The following NSRP1 variants were observed in gnomAD, a reference collection of about 807,000 sequenced individuals.
The protein encoded by NSRP1 is nuclear speckle splicing regulatory protein 1.
A neutral mutation model predicts 54.7 loss-of-function variants in NSRP1; 24 were observed. The observed-to-expected ratio is 0.44, with a 90% CI of 0.32 to 0.62. The LOEUF (loss-of-function observed/expected upper bound fraction) is 0.62, where lower values mean the gene tolerates loss of function less well. Among genes scored for constraint, NSRP1 ranks in the 20% least tolerant of loss-of-function variants. NSRP1 has a pLI of 0.06. For missense variants in NSRP1, 596 were observed against 651.2 expected (o/e 0.92, Z 0.92); for synonymous variants, 210 against 213.8 (o/e 0.98, Z 0.15).
chr17:30,145,063 A>G (rs777486834), intron 2 of NSRP1, among the ~76,000 whole-genome samples: 2 of 152,210 alleles, frequency 1.3e-5, no homozygotes, highest in Non-Finnish European at 2.9e-5. Flanking sequence ...GTGTTACAGT[A>G]TGTATACCTA....
chr17:30,172,014 T>TCCCTCTCACA (rs144705088), intron 2 of NSRP1, among the ~76,000 whole-genome samples: 1 of 131,056 alleles, frequency 7.6e-6, no homozygotes, highest in Non-Finnish European at 1.6e-5. Context: ...TCTCTCTCTC[T>TCCCTCTCACA]CACATGTTCA....
At chr17:30,177,293 G>A (rs1905158096) in intron 3 of NSRP1, among the ~76,000 whole-genome samples, 1 of 151,842 alleles carries the variant, frequency 6.6e-6, no homozygotes, top group Non-Finnish European at 1.5e-5. Context: ...ATCACTTGAA[G>A]CCTGGGAGGC....
At chr17:30,135,293 AT>A (rs1460996483) in intron 2 of NSRP1, among the ~76,000 whole-genome samples, 6 of 134,038 alleles carry the variant, frequency 4.5e-5, no homozygotes, top group African/African-American at 5.5e-5. Flanking sequence ...TAATTTTTGT[AT>A]TTTTTTTTTG....
chr17:30,146,583 T>C (rs940683202), intron 2 of NSRP1, among the ~76,000 whole-genome samples: 10 of 152,216 alleles, frequency 6.6e-5, no homozygotes, highest in Non-Finnish European at 1.3e-4. Context: ...TTATCTGCAG[T>C]TTAATTTCTA....
At chr17:30,151,774 CTTTTTTTTTTT>C (rs780507533) in intron 2 of NSRP1, among the ~76,000 whole-genome samples, 1 of 48,920 alleles carries the variant, frequency 2.0e-5, no homozygotes, top group African/African-American at 8.3e-5. Flanking sequence ...TTGTCACTTT[CTTTTTTTTTTT>C]TTTTTTTTTT....
At chr17:30,158,838 C>T (rs556426820) in intron 2 of NSRP1, among the ~76,000 whole-genome samples, 1 of 152,212 alleles carries the variant, frequency 6.6e-6, no homozygotes, top group East Asian at 1.9e-4. Context: ...TGTTTTTATA[C>T]TAATACTATG....
intron 2 of NSRP1, among the ~76,000 whole-genome samples, chr17:30,157,659 C>T (rs1232882491): frequency 6.6e-6 from 1 of 151,978 alleles, no homozygotes; most frequent in Admixed American, 6.6e-5. Flanking sequence ...CCCTCTTTAT[C>T]CCCTCTCCTC....
chr17:30,153,602 A>G (rs1270727503), intron 2 of NSRP1, among the ~76,000 whole-genome samples: 2 of 152,058 alleles, frequency 1.3e-5, no homozygotes, highest in Non-Finnish European at 2.9e-5. Context: ...GGTGTTGGCA[A>G]ACTATGTCTC....
intron 2 of NSRP1, among the ~76,000 whole-genome samples, chr17:30,123,834 CATCGTCTATTTACCATTAA>C (rs2071625830): frequency 1.3e-5 from 2 of 152,120 alleles, no homozygotes; most frequent in African/African-American, 4.8e-5. Flanking sequence ...TTAAATCGTC[CATCGTCTATTTACCATTAA>C]ATTTTCTAGC....
At chr17:30,178,551 TA>T (rs2143009895) in intron 4 of NSRP1, among the ~76,000 whole-genome samples, 1 of 152,308 alleles carries the variant, frequency 6.6e-6, no homozygotes, top group Admixed American at 6.5e-5. Context: ...TCCTAGCTGG[TA>T]ACTGAATCAT....
At chr17:30,144,000 T>C (rs1360258496) in intron 2 of NSRP1, 1 of 152,006 alleles carries the variant, frequency 6.6e-6, no homozygotes. Context: ...TTAAAAATTA[T>C]AAATATTTTT....
At chr17:30,172,427 A>T (rs1904984698) in intron 2 of NSRP1, 115 bp from the exon 3 acceptor site, 3 of 672,030 alleles carry the variant, frequency 4.5e-6, no homozygotes, top group Admixed American at 7.0e-5. Flanking sequence ...TAAGTATTTT[A>T]AAAATCTGAA....
At chr17:30,122,675 A>C (rs1200166240) in intron 2 of NSRP1, 1 of 151,536 alleles carries the variant, frequency 6.6e-6, no homozygotes, top group African/African-American at 2.4e-5. Flanking sequence ...AAGTGCTGGG[A>C]TTACAGGTGT....
At chr17:30,152,737 A>T (rs570629613) in intron 2 of NSRP1, among the ~76,000 whole-genome samples, 1 of 151,850 alleles carries the variant, frequency 6.6e-6, no homozygotes, top group Admixed American at 6.6e-5. Context: ...AAAAGCATAA[A>T]TGTTTATGAT....
intron 6 of NSRP1, among the ~76,000 whole-genome samples, chr17:30,184,123 G>T (rs1417647131): frequency 6.6e-6 from 1 of 152,180 alleles, no homozygotes; most frequent in Non-Finnish European, 1.5e-5. Flanking sequence ...GATCACTTGA[G>T]CCTGGGAGGC....
At chr17:30,131,989 T>C (rs887574141) in intron 2 of NSRP1, among the ~76,000 whole-genome samples, 3 of 152,048 alleles carry the variant, frequency 2.0e-5, no homozygotes, top group Non-Finnish European at 4.4e-5. Flanking sequence ...TGGCTCACGC[T>C]TGTAATCCCA....
At chr17:30,144,298 T>C (rs1487002032) in intron 2 of NSRP1, among the ~76,000 whole-genome samples, 7 of 151,534 alleles carry the variant, frequency 4.6e-5, no homozygotes, top group Non-Finnish European at 1.0e-4. Flanking sequence ...TCTCACTCTA[T>C]TGCTTAGGCT....
chr17:30,158,860 A>G (rs998269892), intron 2 of NSRP1, among the ~76,000 whole-genome samples: 3 of 152,136 alleles, frequency 2.0e-5, no homozygotes, highest in African/African-American at 7.2e-5. Context: ...TAGTTTGGTT[A>G]TGATAGCCTT....
chr17:30,129,929 G>A (rs1042733487), intron 2 of NSRP1, among the ~76,000 whole-genome samples: 9 of 152,148 alleles, frequency 5.9e-5, no homozygotes, highest in African/African-American at 2.2e-4. Flanking sequence ...ATATCAAACA[G>A]TGAGGGATTT....
Sources: allele counts gnomAD v4.1 joint callset (sites outside exome capture counted in the v4.1 genomes callset), GRCh38; gene constraint gnomAD v4.1.1; transcripts MANE v1.5; gene names NCBI Gene and HGNC (gene_info 2026-07-23, HGNC 2026-07-21).